The following ACOT7 variants were observed in gnomAD, a reference collection of about 807,000 sequenced individuals.
ACOT7 encodes acyl-CoA thioesterase 7.
Under a neutral mutation model 40.2 loss-of-function variants are expected in ACOT7, and 12 were observed. The observed-to-expected ratio is 0.30, with a 90% CI of 0.19 to 0.48. ACOT7 has a LOEUF of 0.48. ACOT7 is among the 20% of genes least tolerant of loss of function. ACOT7 has a pLI of 0.99. For synonymous variants in ACOT7, 228 were observed against 219.5 expected (o/e 1.04, Z -0.34); for missense variants, 395 against 530.8 (o/e 0.74, Z 2.51).
intron 5 of ACOT7, among the ~76,000 whole-genome samples, chr1:6,325,609 G>A (rs1251745288): frequency 2.0e-5 from 3 of 152,142 alleles, no homozygotes; most frequent in East Asian, 1.9e-4. Context: ...CAACCAGTCC[G>A]CTTTTGGCAA....
chr1:6,318,641 G>A, intron 5 of ACOT7, 63 bp from the exon 6 acceptor site: 3 of 1,544,798 alleles, frequency 1.9e-6, no homozygotes, highest in Non-Finnish European at 2.7e-6. Flanking sequence ...TGAATGGTCT[G>A]GCAATGCCGA....
intron 1 of ACOT7, among the ~76,000 whole-genome samples, chr1:6,350,479 C>T (rs1050669327): frequency 1.3e-5 from 2 of 152,226 alleles, no homozygotes; most frequent in Admixed American, 6.5e-5. Flanking sequence ...GGAATGGAAA[C>T]GCCACCTCAC....
intron 1 of ACOT7, among the ~76,000 whole-genome samples, chr1:6,372,937 A>G (rs554403906): frequency 1.3e-5 from 2 of 152,266 alleles, no homozygotes; most frequent in Admixed American, 1.3e-4. Flanking sequence ...TAATTTCAAA[A>G]TTGTTGTGTC....
chr1:6,328,466 G>GCCTGGCCAACATGGTGAAACC (rs953296311), intron 4 of ACOT7, among the ~76,000 whole-genome samples: 1 of 151,972 alleles, frequency 6.6e-6, no homozygotes, highest in Non-Finnish European at 1.5e-5. Flanking sequence ...TTCGAGACTA[G>GCCTGGCCAACATGGTGAAACC]CCTGGCCAAC....
chr1:6,304,393 C>CTTTT (rs765262733), intron 6 of ACOT7, among the ~76,000 whole-genome samples: 2 of 111,078 alleles, frequency 1.8e-5, no homozygotes, highest in East Asian at 5.2e-4. Flanking sequence ...AAAGTACGTT[C>CTTTT]TTTTTTTTTT....
chr1:6,363,376 A>G (rs1030485768), intron 1 of ACOT7, among the ~76,000 whole-genome samples: 5 of 151,876 alleles, frequency 3.3e-5, no homozygotes, highest in East Asian at 3.9e-4. Context: ...TCCCCCGGGG[A>G]GTTTAGAGAA....
chr1:6,375,043 C>T (rs1003200828), intron 1 of ACOT7, among the ~76,000 whole-genome samples: 5 of 145,968 alleles, frequency 3.4e-5, no homozygotes, highest in African/African-American at 5.1e-5. Context: ...TTTGGGAGGC[C>T]GAGGCGGGCG....
rs959361863 is a variant in ACOT7 at position 6,355,939 on chromosome 1, G to A, written c.144-6073C>T. On this transcript the variant is annotated intron_variant, in intron 1 of 8. Coordinates refer to ENST00000361521, the MANE Select transcript of ACOT7 (RefSeq NM_007274.4). The surrounding 1 kb of genome is among the most constrained non-coding windows in gnomAD (Gnocchi z 5.0). ...GGGCTGGCCATGCCTCCTGTGCCCT[G>A]GGGTCCTCTCAAGGTGGAGTCCCAC... 3.3e-5 allele frequency among the ~76,000 whole-genome samples: 5 copies of A among 152,140 alleles called. No homozygotes were observed. Among genetic ancestry groups the A allele is most frequent in the African/African-American group, 1.2e-4 (5 of 41,432 alleles).
chr1:6,298,447 T>C (rs58016812), intron 6 of ACOT7, among the ~76,000 whole-genome samples: 11,500 of 152,216 alleles, frequency 0.076, 1,058 homozygotes, highest in African/African-American at 0.22. Flanking sequence ...ATCTCCATTT[T>C]TCAATCAGCA....
At chr1:6,279,167 G>A (rs537746624) in intron 8 of ACOT7, among the ~76,000 whole-genome samples, 1 of 152,340 alleles carries the variant, frequency 6.6e-6, no homozygotes, top group South Asian at 2.1e-4. Flanking sequence ...GGTGAAAGGA[G>A]AACCAGACAC....
chr1:6,272,758 G>A (rs1639071768), intron 8 of ACOT7, among the ~76,000 whole-genome samples: 1 of 152,244 alleles, frequency 6.6e-6, no homozygotes, highest in African/African-American at 2.4e-5. Flanking sequence ...CAAGTCCCAT[G>A]GCCAGGACCT....
chr1:6,336,089 G>A lies in ACOT7; in HGVS notation c.419-2521C>T, dbSNP rs368145987. Among the ~76,000 whole-genome samples the A allele has an allele frequency of 2.0e-5, 3 of 152,196 alleles. No homozygotes were observed. In the East Asian group the frequency reaches 5.8e-4, roughly 29 times the overall value. On this transcript the variant is annotated intron_variant, in intron 3 of 8. Coordinates refer to ENST00000361521, the MANE Select transcript of ACOT7 (RefSeq NM_007274.4). The stretch of plus-strand genomic sequence containing the variant: ...CGGCCAGCTGCGGTGGCTTACGCCT[G>A]TAATCCCAGCACTCTGGCAGGCCGA...
chr1:6,348,918 C>CCTCACA (rs1477313433), intron 2 of ACOT7, among the ~76,000 whole-genome samples: 6 of 152,180 alleles, frequency 3.9e-5, no homozygotes, highest in Non-Finnish European at 8.8e-5. Flanking sequence ...GGGACCTGCA[C>CCTCACA]CTCACACTCC....
In ACOT7 at chr1:6,327,300, T is replaced by C; in HGVS notation, c.624A>G (p.Pro208=). ...GCTGCTGGTGTCCGCGGCTCTTACC[T>C]GGGTTGAGGACTGGCTGGACGATGT... The part of the protein sequence containing the change: ...NGDIVQPVLN[P]EPNTVSYSQS... The change falls in exon 5 of 9, where the codon CCA becomes CCG. Residue 208 remains proline, a splice_region_variant and synonymous_variant. Coordinates refer to ENST00000361521, the MANE Select transcript of ACOT7 (RefSeq NM_007274.4). The C allele has an allele frequency of 6.2e-7, 1 of 1,614,130 alleles. No homozygotes were observed. The highest frequency in any genetic ancestry group is 8.5e-7 in the Non-Finnish European group (1 of 1,179,998).
chr1:6,348,980 A>C lies in ACOT7; in HGVS notation c.261+769T>G, dbSNP rs742503. 9.9e-3 allele frequency among the ~76,000 whole-genome samples: 1,508 copies of C among 152,248 alleles called. 23 individuals are homozygous for C. Among genetic ancestry groups the C allele is most frequent in the African/African-American group, 0.034 (1,412 of 41,544 alleles). On this transcript the variant is annotated intron_variant, in intron 2 of 8. Transcript: ENST00000361521. ...CCTCTTCTCTGCCTCCCTGGAGGCC[A>C]CAGAAGGTGTGCTGACCGAGCCCCA... is the stretch of plus-strand genomic sequence containing the variant.
Position 6,358,779 on chromosome 1 carries a change from C to T in ACOT7, c.144-8913G>A. Reference sequence around the variant, plus strand: ...TTCCAAATGTCCCTAAACAATCCACCCACAGTGGCCCCTGCACGGCCTAGA... The same window carrying T: ...TTCCAAATGTCCCTAAACAATCCACTCACAGTGGCCCCTGCACGGCCTAGA... On this transcript the variant is annotated intron_variant, in intron 1 of 8. Transcript: ENST00000361521. This position sits in a 1 kb window ranked among gnomAD's most constrained non-coding sequence, Gnocchi z 4.1. The T allele has an allele frequency of 1.3e-6, 2 of 1,585,974 alleles. No individual in the cohort carries two copies. The highest frequency in any genetic ancestry group is 1.7e-6 in the Non-Finnish European group (2 of 1,154,684).
chr1:6,360,119 T>G (rs528353840), intron 1 of ACOT7, among the ~76,000 whole-genome samples: 29 of 152,320 alleles, frequency 1.9e-4, no homozygotes, highest in African/African-American at 6.7e-4. Context: ...CTCACCTATG[T>G]GCAAAAAGAA....
chr1:6,286,679 A>T (rs1639512691), intron 7 of ACOT7, among the ~76,000 whole-genome samples: 1 of 152,070 alleles, frequency 6.6e-6, no homozygotes, highest in South Asian at 2.1e-4. Context: ...CCCAGCCACG[A>T]CCCACTCACA....
At chr1:6,317,411 C>T (rs773249760) in intron 6 of ACOT7, among the ~76,000 whole-genome samples, 2 of 152,198 alleles carry the variant, frequency 1.3e-5, no homozygotes, top group Admixed American at 6.5e-5. Flanking sequence ...AATCCTCTTG[C>T]GTTCCAGCTG....
Sources: gnomAD v4.1 joint callset for allele counts (sites outside exome capture counted in the v4.1 genomes callset) on GRCh38, gnomAD v4.1.1 for gene constraint, Gnocchi (gnomAD v3.1) non-coding constraint, MANE v1.5 for transcripts, NCBI Gene and HGNC (gene_info 2026-07-23, HGNC 2026-07-21) for gene names.